Variants in TRPC3 observed in about 807,000 individuals in gnomAD.
TRPC3 encodes short transient receptor potential channel 3.
In TRPC3, 54 loss-of-function variants were observed where a neutral mutation model predicts 90.9. The observed-to-expected ratio is 0.59, with a 90% CI of 0.48 to 0.75. The LOEUF (loss-of-function observed/expected upper bound fraction) is 0.75. Ranked by LOEUF, TRPC3 falls within the 30% of genes least tolerant of loss-of-function variation. The pLI is 0.00. For missense variants in TRPC3, 918 were observed against 1,194.5 expected, an observed-to-expected ratio of 0.77 and a Z score of 3.41; for synonymous variants, 424 against 450.9, an observed-to-expected ratio of 0.94 and a Z score of 0.75.
At chr4:121,908,051 T>G (rs548424032) in intron 6 of TRPC3, among the ~76,000 whole-genome samples, 1 of 152,152 alleles carries the variant, frequency 6.6e-6, no homozygotes, top group Non-Finnish European at 1.5e-5. Flanking sequence ...AGAATGTCAC[T>G]GAATCACAAT....
At chr4:121,917,248 C>G (rs1014310763) in intron 3 of TRPC3, among the ~76,000 whole-genome samples, 4 of 152,120 alleles carry the variant, frequency 2.6e-5, no homozygotes, top group Non-Finnish European at 5.9e-5. Flanking sequence ...TTTCATAGAC[C>G]AATGCAATCA....
chr4:121,929,296 T>G (rs989380072), intron 2 of TRPC3, among the ~76,000 whole-genome samples: 33 of 152,194 alleles, frequency 2.2e-4, no homozygotes, highest in African/African-American at 8.0e-4. Flanking sequence ...ATTTTTTTTC[T>G]TCCTTACAGC....
chr4:121,925,091 T>C lies in TRPC3; in HGVS notation c.1103A>G (p.Glu368Gly), dbSNP rs1729657138. The C allele has an allele frequency of 6.2e-7, 1 of 1,614,168 alleles. No individual in the cohort carries two copies. The highest frequency in any genetic ancestry group is 8.5e-7 in the Non-Finnish European group (1 of 1,180,004). ...TTTGTGCCTGTGTACCTCCAGAGGCTCTGCTGATTCCAGATCTCCATTCAG... is the reference window on the plus strand; with the variant it reads ...TTTGTGCCTGTGTACCTCCAGAGGCCCTGCTGATTCCAGATCTCCATTCAG... ...AILNGDLESA[E>G]PLEVHRHKAS... is the part of the protein sequence containing the mutation. The change falls in exon 3 of 12, where the codon GAG becomes GGG. Residue 368 changes from glutamate to glycine, a missense_variant. By Grantham distance (98) the Glu-to-Gly change is moderately conservative. This residue lies in a region of TRPC3 where 609 missense variants were observed against 725.9 expected (regional missense o/e 0.84). Coordinates refer to ENST00000379645, the MANE Select transcript of TRPC3 (RefSeq NM_001130698.2).
chr4:121,949,808 G>C (rs1004189200), intron 1 of TRPC3, among the ~76,000 whole-genome samples: 1 of 152,226 alleles, frequency 6.6e-6, no homozygotes, highest in Admixed American at 6.5e-5. Flanking sequence ...TTAGCAGTGA[G>C]ACAGCAAGCC....
At chr4:121,929,008 T>C (rs1278359019) in intron 2 of TRPC3, among the ~76,000 whole-genome samples, 1 of 152,228 alleles carries the variant, frequency 6.6e-6, no homozygotes, top group African/African-American at 2.4e-5. Context: ...TGGAATTCAC[T>C]TTACCTCTCT....
At chr4:121,903,355 AAAATGATT>A in intron 8 of TRPC3, among the ~76,000 whole-genome samples, 1 of 152,280 alleles carries the variant, frequency 6.6e-6, no homozygotes, top group East Asian at 1.9e-4. Context: ...AAGGAAGGAT[AAAATGATT>A]AATTCCTCCC....
chr4:121,899,873 A>C (rs1452960438), intron 9 of TRPC3, among the ~76,000 whole-genome samples, 178 bp from the exon 10 acceptor site: 1 of 152,230 alleles, frequency 6.6e-6, no homozygotes. Flanking sequence ...TACTGTGAGC[A>C]ATATGCTCAC....
intron 3 of TRPC3, among the ~76,000 whole-genome samples, chr4:121,918,685 C>T (rs1560704981): frequency 6.6e-6 from 1 of 152,030 alleles, no homozygotes; most frequent in African/African-American, 2.4e-5. Flanking sequence ...TAATTCTACT[C>T]TTTTTTTTGA....
rs188894752 is a variant in TRPC3, at chr4:121,874,524, C to G, written c.*5212G>C. On this transcript the variant is annotated 3_prime_UTR_variant, in exon 12 of 12. Transcript: ENST00000379645. Reference sequence around the variant, plus strand: ...ATTTATTTTCTCACAGTCTTGGAGTCTAGAAGTCATAGATCAAGGTGTCAG... The same window carrying G: ...ATTTATTTTCTCACAGTCTTGGAGTGTAGAAGTCATAGATCAAGGTGTCAG... 6.6e-6 allele frequency among the ~76,000 whole-genome samples: 1 copy of G among 152,228 alleles called. No homozygotes were observed. Among genetic ancestry groups the G allele is most frequent in the Admixed American group, 6.5e-5 (1 of 15,298 alleles).
At chr4:121,894,571 T>TTTG (rs1728451133) in intron 10 of TRPC3, among the ~76,000 whole-genome samples, 1 of 139,920 alleles carries the variant, frequency 7.1e-6, no homozygotes, top group African/African-American at 2.7e-5. Flanking sequence ...TTTTTTTTTT[T>TTTG]TTTTTTTTTT....
chr4:121,932,493 C>G lies in TRPC3; in HGVS notation c.765G>C (p.Lys255Asn). Residue 255 changes from lysine (K) to asparagine (N), a missense_variant, in exon 2 of 12, where the codon AAG becomes AAC. Coordinates refer to ENST00000379645, the MANE Select transcript of TRPC3 (RefSeq NM_001130698.2). This position sits in a 1 kb window ranked among gnomAD's most constrained non-coding sequence, Gnocchi z 7.7. Reference sequence around the variant, plus strand: ...CGTGCGGCCGCTCGATCCTGGCACCCTTCATCAGCAGCATGTGCACCACTT... The same window carrying G: ...CGTGCGGCCGCTCGATCCTGGCACCGTTCATCAGCAGCATGTGCACCACTT... ...KYEVVHMLLM[K>N]GARIERPHDY... The G allele has an allele frequency of 6.2e-7, 1 of 1,614,220 alleles. No homozygotes were observed. The highest frequency in any genetic ancestry group is 8.5e-7 in the Non-Finnish European group (1 of 1,180,038).
At position 121,879,530 on chromosome 4, in the gene TRPC3, T is replaced by C. The variant is rs769169132; in HGVS notation, c.*206A>G. 3 of 530,822 alleles carry C rather than the reference T, an allele frequency of 5.7e-6. No individual in the cohort carries two copies. The highest frequency in any genetic ancestry group is 2.6e-5 in the South Asian group (1 of 37,896). The allele number at this position is 530,822 out of a possible 1,614,324, so 32.9% of individuals were successfully genotyped here. On this transcript the variant is annotated 3_prime_UTR_variant, in exon 12 of 12. Transcript: ENST00000379645. Reference sequence around the variant, plus strand: ...AATATTGGGCTTTTCAACACAATGGTATGCCACTGTAATGTCAAAGCAGAC... The same window carrying C: ...AATATTGGGCTTTTCAACACAATGGCATGCCACTGTAATGTCAAAGCAGAC...
Position 121,932,002 on chromosome 4 carries a change from T to C in TRPC3, c.987+269A>G, listed in dbSNP as rs76269277. On this transcript the variant is annotated intron_variant, in intron 2 of 11. Transcript: ENST00000379645. The surrounding 1 kb of genome is among the most constrained non-coding windows in gnomAD (Gnocchi z 7.7). ...CAAAAAGGGGAGAAATCTTGAGTTT[T>C]ATTTAATGCTTACCCAACACAGAGC... Among the ~76,000 whole-genome samples, 5,282 of 152,332 alleles carry C rather than the reference T, an allele frequency of 0.035. 306 individuals carry two copies. The highest frequency in any genetic ancestry group is 0.12 in the African/African-American group (5,012 of 41,548).
At chr4:121,933,904 A>G (rs940155591) in intron 1 of TRPC3, among the ~76,000 whole-genome samples, 2 of 152,226 alleles carry the variant, frequency 1.3e-5, no homozygotes, top group Non-Finnish European at 2.9e-5. Context: ...GATTTTATTG[A>G]AAACAACCGT....
Position 121,879,795 on chromosome 4 carries a change from C to T in TRPC3, c.2707G>A (p.Ala903Thr). ...EDKSQATEELAILIHKLSEKL... is the reference protein window; with the variant it reads ...EDKSQATEELTILIHKLSEKL... ...TCACTAAGTTTATGAATTAGAATGG[C>T]TAATTCCTCAGTTGCTTGGCTCTTG... is the stretch of plus-strand genomic sequence containing the variant. Residue 903 changes from alanine (A) to threonine (T), a missense_variant, in exon 12 of 12, where the codon GCC becomes ACC. Ala to Thr is a moderately conservative substitution (Grantham distance 58). Around this residue, in one of 4 missense-constraint regions of TRPC3, gnomAD observed 41 missense variants for 69.4 expected, o/e 0.59. Transcript: ENST00000379645. 1 of 1,608,610 alleles carries T rather than the reference C, an allele frequency of 6.2e-7. No homozygotes were observed. Among genetic ancestry groups the T allele is most frequent in the Non-Finnish European group, 8.5e-7 (1 of 1,178,204 alleles).
At chr4:121,935,390 T>C (rs1578652457) in intron 1 of TRPC3, among the ~76,000 whole-genome samples, 2 of 150,320 alleles carry the variant, frequency 1.3e-5, no homozygotes, top group African/African-American at 4.9e-5. Context: ...AAGGGAAGGG[T>C]GCAAGTCTGA....
intron 9 of TRPC3, among the ~76,000 whole-genome samples, chr4:121,901,024 A>G (rs1728681063): frequency 6.6e-6 from 1 of 152,114 alleles, no homozygotes; most frequent in South Asian, 2.1e-4. Context: ...AGGTAGCCAC[A>G]AGCCTACTGC....
chr4:121,896,042 C>A (rs1452057541), intron 10 of TRPC3, among the ~76,000 whole-genome samples: 3 of 152,100 alleles, frequency 2.0e-5, no homozygotes, highest in African/African-American at 7.2e-5. Flanking sequence ...AAACATCATA[C>A]ATCACATCAA....
intron 1 of TRPC3, among the ~76,000 whole-genome samples, chr4:121,945,634 T>C (rs1348582848): frequency 2.0e-5 from 3 of 152,068 alleles, no homozygotes; most frequent in Admixed American, 6.5e-5. Flanking sequence ...GAATTGGCTA[T>C]ATAAAAAGTG....
Sources: allele counts gnomAD v4.1 joint callset (sites outside exome capture counted in the v4.1 genomes callset), GRCh38; gene constraint gnomAD v4.1.1; regional missense constraint gnomAD v4.1.1; non-coding constraint Gnocchi (gnomAD v3.1); transcripts MANE v1.5; gene names NCBI Gene and HGNC (gene_info 2026-07-23, HGNC 2026-07-21).